The following HOXC4 variants were observed in gnomAD, a reference collection of about 807,000 sequenced individuals.
HOXC4 encodes homeobox protein Hox-C4.
A neutral mutation model predicts 25.5 loss-of-function variants in HOXC4; 15 were observed. The ratio of observed to expected loss-of-function variants is 0.59; its 90% confidence interval spans 0.39 to 0.91. The LOEUF is 0.91. Among genes scored for constraint, HOXC4 ranks in the 40% least tolerant of loss-of-function variants. The pLI, the probability that HOXC4 is intolerant of heterozygous loss-of-function variation, is 0.00. For missense variants in HOXC4, 342 were observed against 352.4 expected (o/e 0.97, Z 0.24); for synonymous variants, 165 against 148.0 (o/e 1.11, Z -0.83).
intron 1 of HOXC4, among the ~76,000 whole-genome samples, chr12:54,024,152 G>A (rs766609911): frequency 9.9e-5 from 15 of 152,188 alleles, no homozygotes; most frequent in Non-Finnish European, 1.9e-4. Context: ...GGCTTTCTCC[G>A]TAAGAGGGAT....
intron 1 of HOXC4, among the ~76,000 whole-genome samples, chr12:54,040,943 G>C (rs1313559873): frequency 6.6e-6 from 1 of 152,178 alleles, no homozygotes; most frequent in Non-Finnish European, 1.5e-5. Context: ...GCTAGTTAAG[G>C]GTTCTGGAAA....
At chr12:54,042,090 T>G (rs1941285993) in intron 1 of HOXC4, among the ~76,000 whole-genome samples, 1 of 150,526 alleles carries the variant, frequency 6.6e-6, no homozygotes, top group East Asian at 2.0e-4. Context: ...GCGATTCTCC[T>G]GCCTCAGCCT....
intron 1 of HOXC4, chr12:54,029,754 C>T: frequency 6.2e-7 from 1 of 1,614,192 alleles, no homozygotes; most frequent in Non-Finnish European, 8.5e-7. Flanking sequence ...CGCTACCTAA[C>T]GCGGCGCCGG....
intron 1 of HOXC4, among the ~76,000 whole-genome samples, chr12:54,044,110 T>C (rs180788761): frequency 6.6e-6 from 1 of 151,778 alleles, no homozygotes; most frequent in Admixed American, 6.6e-5. Flanking sequence ...ACGCCTAGAG[T>C]AGGGTGTTTT....
chr12:54,028,617 T>G lies in HOXC4; in HGVS notation c.-124+11203T>G, dbSNP rs1195849615. On this transcript the variant is annotated intron_variant, in intron 1 of 3. Coordinates refer to the HOXC4 transcript ENST00000303406. The stretch of plus-strand genomic sequence containing the variant: ...TCGCCCTCAATTCCACCGCCTATGA[T>G]CCAGTGAGGCATTTCTCGACCTATG... The G allele has an allele frequency of 7.4e-6, 12 of 1,614,022 alleles. No homozygotes were observed. The African/African-American group carries it at 9.3e-5, about 13-fold the overall frequency.
chr12:54,046,381 T>C (rs944629517), intron 1 of HOXC4, among the ~76,000 whole-genome samples: 2 of 152,050 alleles, frequency 1.3e-5, no homozygotes, highest in African/African-American at 4.8e-5. Context: ...GACTCTTATT[T>C]ACCCGGCAAC....
At chr12:54,034,150 G>C in intron 1 of HOXC4, 1 of 910,704 alleles carries the variant, frequency 1.1e-6, no homozygotes, top group East Asian at 2.5e-5. Context: ...TGCGGCCCGC[G>C]TGGCCTGTCT....
At chr12:54,039,519 C>T (rs896009760) in intron 1 of HOXC4, among the ~76,000 whole-genome samples, 3 of 152,050 alleles carry the variant, frequency 2.0e-5, no homozygotes, top group Non-Finnish European at 4.4e-5. Flanking sequence ...GCCTCCCCCA[C>T]CCTCCTCCCT....
At chr12:54,041,310 AGG>A (rs1456719848) in intron 1 of HOXC4, among the ~76,000 whole-genome samples, 1 of 152,254 alleles carries the variant, frequency 6.6e-6, no homozygotes, top group Non-Finnish European at 1.5e-5. Flanking sequence ...GTCCAGACCC[AGG>A]TATTCTCCCC....
At chr12:54,046,474 A>G (rs1937707863) in intron 1 of HOXC4, among the ~76,000 whole-genome samples, 1 of 152,036 alleles carries the variant, frequency 6.6e-6, no homozygotes, top group South Asian at 2.1e-4. Flanking sequence ...GGCCAACTCA[A>G]GTGTCACTGA....
intron 1 of HOXC4, among the ~76,000 whole-genome samples, 192 bp downstream of exon 1, chr12:54,054,553 G>A (rs1937928385): frequency 6.6e-6 from 1 of 151,884 alleles, no homozygotes. Context: ...TAAATTTTAT[G>A]GCTTAGCTAC....
chr12:54,042,357 C>T (rs531578425), intron 1 of HOXC4, among the ~76,000 whole-genome samples: 1 of 152,140 alleles, frequency 6.6e-6, no homozygotes, highest in South Asian at 2.1e-4. Context: ...TTGTTGGAGA[C>T]CAACTCTCAC....
intron 1 of HOXC4, among the ~76,000 whole-genome samples, chr12:54,045,342 T>C (rs1937677556): frequency 6.6e-6 from 1 of 152,252 alleles, no homozygotes; most frequent in Non-Finnish European, 1.5e-5. Flanking sequence ...CAAATTCCTG[T>C]GTGCACTTTA....
At chr12:54,033,881 C>A (rs540730920) in intron 1 of HOXC4, 32 of 411,426 alleles carry the variant, frequency 7.8e-5, no homozygotes, top group South Asian at 5.6e-4. Flanking sequence ...GATCCCCCCG[C>A]GGCTCCCTCC....
chr12:54,051,787 C>A (rs114058548), upstream of HOXC4, among the ~76,000 whole-genome samples: 2 of 152,146 alleles, frequency 1.3e-5, no homozygotes, highest in Non-Finnish European at 2.9e-5. Flanking sequence ...GGGAAGGCAA[C>A]GAGGGCCCAG....
chr12:54,035,623 T>G (rs1294659415), intron 1 of HOXC4, among the ~76,000 whole-genome samples: 2 of 152,170 alleles, frequency 1.3e-5, no homozygotes, highest in Non-Finnish European at 2.9e-5. Context: ...CCTTCACGCC[T>G]CTGCACTCCA....
In HOXC4 at chr12:54,054,899, T is replaced by C. The variant is rs755095199; in HGVS notation, c.489T>C (p.Tyr163=). The C allele has an allele frequency of 1.6e-5, 26 of 1,613,866 alleles. No individual in the cohort carries two copies. Among genetic ancestry groups the C allele is most frequent in the Middle Eastern group, 1.6e-4 (1 of 6,084 alleles). ...GGEPKRSRTA[Y]TRQQVLELEK... ...AACCCAAGCGCTCGAGGACAGCCTA[T>C]ACCCGGCAGCAAGTCCTGGAATTAG... Residue 163 remains tyrosine (Y), a synonymous_variant, in exon 2 of 2, where the codon TAT becomes TAC. Coordinates refer to ENST00000430889, the MANE Select transcript of HOXC4 (RefSeq NM_153633.3).
At chr12:54,040,381 C>T (rs1315523206) in intron 1 of HOXC4, among the ~76,000 whole-genome samples, 3 of 152,180 alleles carry the variant, frequency 2.0e-5, no homozygotes, top group Admixed American at 1.3e-4. Flanking sequence ...TTCCTTCCTC[C>T]CTCCCTCCCT....
At chr12:54,028,698 G>A (rs1940843553) in intron 1 of HOXC4, 2 of 1,613,968 alleles carry the variant, frequency 1.2e-6, no homozygotes, top group Non-Finnish European at 1.7e-6. Flanking sequence ...CGCCACAGGA[G>A]AATGTCGTGT....
Sources: allele counts gnomAD v4.1 joint callset (sites outside exome capture counted in the v4.1 genomes callset), GRCh38; gene constraint gnomAD v4.1.1; transcripts MANE v1.5; gene names NCBI Gene and HGNC (gene_info 2026-07-23, HGNC 2026-07-21).